Variants in PTPRF observed in about 807,000 individuals in gnomAD.
PTPRF encodes protein tyrosine phosphatase receptor type F, also known as receptor-type tyrosine-protein phosphatase F.
Under a neutral mutation model 201.8 loss-of-function variants are expected in PTPRF, and 59 were observed. That is an observed-to-expected ratio of 0.29 (90% CI 0.24 to 0.36). The LOEUF is 0.36. Ranked by LOEUF, PTPRF falls within the 10% of genes least tolerant of loss-of-function variation. The probability of loss-of-function intolerance (pLI) is 1.00; values close to 1 mark genes in which losing one functional copy is unlikely to be tolerated. For synonymous variants in PTPRF, 1,088 were observed against 1,089.7 expected (o/e 1.00, Z 0.03); for missense variants, 2,132 against 2,690.5 (o/e 0.79, Z 4.59).
intron 5 of PTPRF, among the ~76,000 whole-genome samples, chr1:43,563,500 G>A (rs1185309039): frequency 6.6e-6 from 1 of 152,194 alleles, no homozygotes; most frequent in Non-Finnish European, 1.5e-5. Flanking sequence ...CCAGAGCCAG[G>A]ACAGAAGGAG....
At chr1:43,583,382 G>A (rs776755327) in intron 7 of PTPRF, among the ~76,000 whole-genome samples, 3 of 152,182 alleles carry the variant, frequency 2.0e-5, no homozygotes, top group Non-Finnish European at 2.9e-5. Flanking sequence ...GCATGAAACT[G>A]TACCCCACCT....
chr1:43,527,200 A>C (rs1643152970), upstream of PTPRF, among the ~76,000 whole-genome samples: 1 of 152,208 alleles, frequency 6.6e-6, no homozygotes, highest in Non-Finnish European at 1.5e-5. Context: ...GGGCTGGAAC[A>C]CAGCAGACAC....
intron 17 of PTPRF, 33 bp from the exon 18 acceptor site, chr1:43,605,157 A>G (rs1284537308): frequency 6.3e-7 from 1 of 1,579,822 alleles, no homozygotes; most frequent in Admixed American, 1.7e-5. Context: ...AACCTCACCC[A>G]AAGGCATTGA....
intron 5 of PTPRF, among the ~76,000 whole-genome samples, chr1:43,560,125 T>C (rs909868119): frequency 4.8e-5 from 7 of 146,556 alleles, no homozygotes; most frequent in Non-Finnish European, 6.0e-5. Context: ...TGTGTGTGTG[T>C]ACAATAGGTG....
chr1:43,597,240 TGA>T (rs1652528758), intron 11 of PTPRF, among the ~76,000 whole-genome samples: 1 of 152,250 alleles, frequency 6.6e-6, no homozygotes, highest in East Asian at 1.9e-4. Context: ...TGTATATGTG[TGA>T]GACTGTGTGT....
At chr1:43,604,828 TCACCTTC>T in intron 16 of PTPRF, 68 bp from the exon 17 acceptor site, 1 of 1,290,386 alleles carries the variant, frequency 7.7e-7, no homozygotes, top group Non-Finnish European at 1.1e-6. Context: ...TCCTGGCCAT[TCACCTTC>T]CACCCTTCCA....
intron 23 of PTPRF, among the ~76,000 whole-genome samples, chr1:43,617,206 T>G (rs1412462471): frequency 6.6e-6 from 1 of 152,076 alleles, no homozygotes; most frequent in Non-Finnish European, 1.5e-5. Flanking sequence ...CTCAGACCAC[T>G]CTACCAGGCA....
Position 43,604,878 on chromosome 1 carries a change from G to A in PTPRF, c.3038-25G>A, listed in dbSNP as rs772657359. On this transcript the variant is annotated intron_variant, in intron 16 of 33. Transcript: ENST00000359947. ...CACCCCACCTCATATACCCAGCAGAGCTGACTCTCTCTATGCCTTTGCAGT... is the reference window on the plus strand; with the variant it reads ...CACCCCACCTCATATACCCAGCAGAACTGACTCTCTCTATGCCTTTGCAGT... 1.9e-5 allele frequency: 30 copies of A among 1,607,466 alleles called. No individual in the cohort carries two copies. In the East Asian group the frequency reaches 6.7e-4, roughly 36 times the overall value.
chr1:43,604,775 C>T (rs1014437686), intron 16 of PTPRF, 128 bp from the exon 17 acceptor site: 3 of 792,266 alleles, frequency 3.8e-6, no homozygotes, highest in Non-Finnish European at 4.3e-6. Flanking sequence ...GCTTGGTACT[C>T]TGCAGCCATC....
At chr1:43,620,749 C>T (rs893128044) in intron 31 of PTPRF, 89 bp from the exon 32 acceptor site, 95 of 1,531,680 alleles carry the variant, frequency 6.2e-5, no homozygotes, top group African/African-American at 9.5e-5. Context: ...CAGATGCATG[C>T]CTGTATCATG....
chr1:43,573,639 C>T (rs529956307), intron 6 of PTPRF, among the ~76,000 whole-genome samples: 31 of 152,350 alleles, frequency 2.0e-4, no homozygotes, highest in Non-Finnish European at 2.8e-4. Flanking sequence ...CACAATTTCC[C>T]TTTGGCCCAG....
Position 43,603,608 on chromosome 1 carries a change from C to T in PTPRF, c.2459-3C>T. The T allele has an allele frequency of 1.2e-6, 2 of 1,612,650 alleles. No homozygotes were observed. The highest frequency in any genetic ancestry group is 1.7e-6 in the Non-Finnish European group (2 of 1,179,242). Reference sequence around the variant, plus strand: ...CGCCAGAGCCCAGCCCGTGGTCCTTCAGTCCCAGGCCGGCCCACCATGATG... The same window carrying T: ...CGCCAGAGCCCAGCCCGTGGTCCTTTAGTCCCAGGCCGGCCCACCATGATG... On this transcript the variant is annotated splice_polypyrimidine_tract_variant and splice_region_variant and intron_variant, in intron 15 of 33. Coordinates refer to ENST00000359947, the MANE Select transcript of PTPRF (RefSeq NM_002840.5). The surrounding 1 kb of genome is among the most constrained non-coding windows in gnomAD (Gnocchi z 5.8).
At chr1:43,607,474 C>G (rs79522295) in intron 21 of PTPRF, among the ~76,000 whole-genome samples, 4,641 of 152,332 alleles carry the variant, frequency 0.03, 112 homozygotes, top group Non-Finnish European at 0.049. Flanking sequence ...CCGCAGCGGC[C>G]TCAGCCTCAG....
At chr1:43,618,419 C>T (rs1431841994) in intron 25 of PTPRF, among the ~76,000 whole-genome samples, 2 of 152,168 alleles carry the variant, frequency 1.3e-5, no homozygotes, top group Non-Finnish European at 2.9e-5. Flanking sequence ...TCAATTATGA[C>T]CCTTATTCCA....
chr1:43,607,749 C>A (rs1424035377), intron 21 of PTPRF, among the ~76,000 whole-genome samples: 1 of 152,224 alleles, frequency 6.6e-6, no homozygotes, highest in Non-Finnish European at 1.5e-5. Context: ...CAGGGTGTGC[C>A]CTCTGCGGAT....
intron 7 of PTPRF, among the ~76,000 whole-genome samples, chr1:43,586,794 C>T (rs942115694): frequency 1.3e-5 from 2 of 152,190 alleles, no homozygotes; most frequent in Non-Finnish European, 2.9e-5. Flanking sequence ...GAGAAGCCAT[C>T]CCCAGCTGCT....
rs1029938494 is a variant in PTPRF, at chr1:43,537,511, A to G, written c.-125-687A>G. ...CAGCTGTCAGCCAGGCGCTGGGGAT[A>G]CGGAAATGAGCTGGGCAGCCACAGT... On this transcript the variant is annotated intron_variant, in intron 1 of 33. Coordinates refer to ENST00000359947, the MANE Select transcript of PTPRF (RefSeq NM_002840.5). The surrounding 1 kb of genome is among the most constrained non-coding windows in gnomAD (Gnocchi z 4.8). 6.6e-6 allele frequency among the ~76,000 whole-genome samples: 1 copy of G among 152,198 alleles called. No homozygotes were observed. Among genetic ancestry groups the G allele is most frequent in the Non-Finnish European group, 1.5e-5 (1 of 68,036 alleles).
At chr1:43,540,758 C>T (rs553376102) in intron 2 of PTPRF, among the ~76,000 whole-genome samples, 2 of 152,344 alleles carry the variant, frequency 1.3e-5, no homozygotes, top group South Asian at 4.1e-4. Flanking sequence ...GCTCTGCTCA[C>T]GGATTCTGGC....
rs748783332 is a variant in PTPRF at position 43,622,015 on chromosome 1, C to G, written c.*12C>G. On this transcript the variant is annotated 3_prime_UTR_variant, in exon 34 of 34. Coordinates refer to ENST00000359947, the MANE Select transcript of PTPRF (RefSeq NM_002840.5). ...ACTATGCAACGTAACTACCGCTCCC[C>G]TCTCCTCCGCCACCCCCGCCGTGGG... The G allele has an allele frequency of 6.2e-7, 1 of 1,613,626 alleles. No homozygotes were observed. Among genetic ancestry groups the G allele is most frequent in the Non-Finnish European group, 8.5e-7 (1 of 1,179,690 alleles).
Sources: gnomAD v4.1 joint callset for allele counts (sites outside exome capture counted in the v4.1 genomes callset) on GRCh38, gnomAD v4.1.1 for gene constraint, Gnocchi (gnomAD v3.1) non-coding constraint, MANE v1.5 for transcripts, NCBI Gene and HGNC (gene_info 2026-07-23, HGNC 2026-07-21) for gene names.